The following KRT7 variants were observed in gnomAD, a reference collection of about 807,000 sequenced individuals.
KRT7 encodes keratin, type II cytoskeletal 7.
In KRT7, 50 loss-of-function variants were observed where a neutral mutation model predicts 42.8. The observed-to-expected ratio is 1.17, with a 90% CI of 0.93 to 1.48. The LOEUF (loss-of-function observed/expected upper bound fraction) is 1.48. KRT7 is among the 40% of genes most tolerant of loss of function. The probability of loss-of-function intolerance (pLI) is 0.00; values close to 1 mark genes in which losing one functional copy is unlikely to be tolerated. For missense variants in KRT7, 588 were observed against 637.6 expected, an observed-to-expected ratio of 0.92 and a Z score of 0.84; for synonymous variants, 268 against 266.3, an observed-to-expected ratio of 1.01 and a Z score of -0.06.
At chr12:52,235,473 C>A in intron 2 of KRT7, 107 bp downstream of exon 2, 1 of 933,590 alleles carries the variant, frequency 1.1e-6, no homozygotes, top group Non-Finnish European at 1.6e-6. Context: ...CATGCAGCTG[C>A]TCAGTCCAAT....
chr12:52,250,935 T>C (rs958723726), downstream of KRT7, among the ~76,000 whole-genome samples: 1 of 152,236 alleles, frequency 6.6e-6, no homozygotes, highest in Admixed American at 6.5e-5. Context: ...TGTTGTAGCC[T>C]ACTACACACC....
downstream of KRT7, chr12:52,252,497 G>A (rs764249138): frequency 2.6e-5 from 42 of 1,610,610 alleles, no homozygotes; most frequent in African/African-American, 3.2e-4. Context: ...AGGCAAGGGA[G>A]GGTTATTAAG....
intron 3 of KRT7, among the ~76,000 whole-genome samples, chr12:52,238,060 G>A (rs1942035274): frequency 6.6e-6 from 1 of 152,172 alleles, no homozygotes; most frequent in Non-Finnish European, 1.5e-5. Context: ...TGAGCAGTTG[G>A]TGTTCCAGGC....
intron 2 of KRT7, 46 bp downstream of exon 2, chr12:52,235,412 TG>T: frequency 2.0e-6 from 3 of 1,522,872 alleles, no homozygotes; most frequent in Non-Finnish European, 2.7e-6. Context: ...CCCGGGCCAA[TG>T]TGACCCTCAT....
At chr12:52,242,231 C>T (rs1942103409) in intron 5 of KRT7, among the ~76,000 whole-genome samples, 1 of 152,318 alleles carries the variant, frequency 6.6e-6, no homozygotes, top group African/African-American at 2.4e-5. Flanking sequence ...CCTCGGCCTC[C>T]CAAAGTGCTG....
chr12:52,240,738 A>C (rs1228073024), intron 4 of KRT7, among the ~76,000 whole-genome samples: 1 of 152,228 alleles, frequency 6.6e-6, no homozygotes, highest in Non-Finnish European at 1.5e-5. Context: ...AGATATAGAA[A>C]TATACATTTT....
chr12:52,255,085 A>G (rs945427583), downstream of KRT7, among the ~76,000 whole-genome samples: 3 of 152,252 alleles, frequency 2.0e-5, no homozygotes, highest in Admixed American at 1.3e-4. Context: ...GCTATATGGC[A>G]GCAACCTCAG....
chr12:52,240,000 T>C (rs1942063315), intron 4 of KRT7, among the ~76,000 whole-genome samples: 1 of 152,238 alleles, frequency 6.6e-6, no homozygotes, highest in African/African-American at 2.4e-5. Flanking sequence ...TTCTTCAGCC[T>C]AGTCTTTGCC....
downstream of KRT7, chr12:52,249,046 G>T: frequency 3.7e-6 from 1 of 272,094 alleles, no homozygotes. Context: ...GGTGGGATGG[G>T]GTGCTGCTCT....
intron 2 of KRT7, 113 bp downstream of exon 2, chr12:52,235,479 C>A: frequency 1.2e-6 from 1 of 843,106 alleles, no homozygotes; most frequent in Non-Finnish European, 1.8e-6. Context: ...GCTGCTCAGT[C>A]CAATAACTCC....
intron 4 of KRT7, among the ~76,000 whole-genome samples, chr12:52,241,260 G>A (rs896971555): frequency 5.3e-5 from 8 of 152,126 alleles, no homozygotes; most frequent in African/African-American, 1.4e-4. Flanking sequence ...CCAGATTCTC[G>A]TTTGAGACAC....
At chr12:52,241,826 T>C (rs1227708713) in intron 5 of KRT7, 190 bp downstream of exon 5, 2 of 513,184 alleles carry the variant, frequency 3.9e-6, no homozygotes, top group Non-Finnish European at 6.9e-6. Context: ...GAAATAGATA[T>C]GGATTAATCA....
downstream of KRT7, chr12:52,253,471 A>C (rs969636424): frequency 6.5e-7 from 1 of 1,538,186 alleles, no homozygotes; most frequent in Non-Finnish European, 8.9e-7. Context: ...TGCTACCCCA[A>C]CCTCAGAGAG....
At chr12:52,243,698 T>G (rs1053453643) in intron 6 of KRT7, among the ~76,000 whole-genome samples, 5 of 152,162 alleles carry the variant, frequency 3.3e-5, no homozygotes, top group Non-Finnish European at 7.3e-5. Context: ...GTTGTTGTTT[T>G]CTCCTCCCTG....
At position 52,248,747 on chromosome 12, in the gene KRT7, G is replaced by A; in HGVS notation, c.1397G>A (p.Ser466Asn). 6.3e-7 allele frequency: 1 copy of A among 1,578,594 alleles called. No individual in the cohort carries two copies. The highest frequency in any genetic ancestry group is 8.6e-7 in the Non-Finnish European group (1 of 1,164,616). The change falls in exon 9 of 9, where the codon AGT (serine) becomes AAT (asparagine). Residue 466 changes from serine to asparagine, a missense_variant. Transcript: ENST00000331817. ...CGGACCGCATCCGCCAGTCGCAGGA[G>A]TGCCCGCGACTGAGCCGCCTCCCAC... is the stretch of plus-strand genomic sequence containing the variant. ...SIRTASASRR[S>N]ARD
At position 52,248,881 on chromosome 12, in the gene KRT7, C is replaced by A; in HGVS notation, c.*121C>A. On this transcript the variant is annotated 3_prime_UTR_variant, in exon 9 of 9. Coordinates refer to ENST00000331817, the MANE Select transcript of KRT7 (RefSeq NM_005556.4). ...AGTCTGGAAAGTGATGTCAGAATAG[C>A]TTCCAATAAAGCAGCCTCATTCTGA... 9.9e-7 allele frequency: 1 copy of A among 1,006,148 alleles called. No homozygotes were observed. The highest frequency in any genetic ancestry group is 1.4e-6 in the Non-Finnish European group (1 of 736,840). 62.3% of individuals were successfully genotyped at this position (1,006,148 alleles called of 1,614,324 possible).
intron 8 of KRT7, 51 bp downstream of exon 8, chr12:52,248,262 G>A: frequency 6.3e-7 from 1 of 1,588,278 alleles, no homozygotes; most frequent in East Asian, 2.2e-5. Context: ...CTGTTTAGAT[G>A]GGGCTGGGTC....
At chr12:52,253,203 G>A (rs1465253026), downstream of KRT7, 3 of 1,601,000 alleles carry the variant, frequency 1.9e-6, no homozygotes, top group Admixed American at 1.7e-5. Flanking sequence ...GGTGGGCTGG[G>A]CTCCCATACC....
downstream of KRT7, chr12:52,251,704 C>A: frequency 3.2e-6 from 1 of 312,664 alleles, no homozygotes; most frequent in Non-Finnish European, 6.2e-6. Context: ...CCTAAAAGTC[C>A]TTATGTGGTA....
Sources: gnomAD v4.1 joint callset for allele counts (sites outside exome capture counted in the v4.1 genomes callset) on GRCh38, gnomAD v4.1.1 for gene constraint, MANE v1.5 for transcripts, NCBI Gene and HGNC (gene_info 2026-07-23, HGNC 2026-07-21) for gene names.